The following UFL1 variants were observed in gnomAD, a reference collection of about 807,000 sequenced individuals.
UFL1 encodes UFM1 specific ligase 1.
A neutral mutation model predicts 99.3 loss-of-function variants in UFL1; 78 were observed. That is an observed-to-expected ratio of 0.79 (90% CI 0.65 to 0.95). The LOEUF (loss-of-function observed/expected upper bound fraction) is 0.95. UFL1 is among the 40% of genes least tolerant of loss of function. The pLI is 0.00. For missense variants in UFL1, 936 were observed against 937.0 expected, an observed-to-expected ratio of 1.00 and a Z score of 0.01; for synonymous variants, 335 against 322.2, an observed-to-expected ratio of 1.04 and a Z score of -0.42.
chr6:96,543,281 C>T (rs1489358150), intron 12 of UFL1, among the ~76,000 whole-genome samples: 3 of 151,134 alleles, frequency 2.0e-5, no homozygotes. Flanking sequence ...CAAATCAGTA[C>T]ATAAATAACA....
intron 15 of UFL1, 39 bp from the exon 16 acceptor site, chr6:96,551,394 A>G (rs200702063): frequency 1.7e-6 from 2 of 1,157,498 alleles, no homozygotes; most frequent in Non-Finnish European, 2.5e-6. Flanking sequence ...TTGCATGTCA[A>G]AAGCACAGTA....
chr6:96,541,351 C>A (rs924255698), intron 11 of UFL1, among the ~76,000 whole-genome samples: 13 of 151,484 alleles, frequency 8.6e-5, no homozygotes, highest in Middle Eastern at 3.4e-3. Flanking sequence ...TTTTTCTAAT[C>A]TAAAGTCACT....
intron 6 of UFL1, among the ~76,000 whole-genome samples, chr6:96,531,676 T>G (rs1056253417): frequency 6.6e-6 from 1 of 152,206 alleles, no homozygotes; most frequent in Non-Finnish European, 1.5e-5. Context: ...ATTTATTACT[T>G]TGTCAAAAAC....
In UFL1 at chr6:96,554,261, C is replaced by T. The variant is rs539602957; in HGVS notation, c.*758C>T. The T allele has an allele frequency of 1.2e-4, 18 of 152,226 alleles. No homozygotes were observed. Among genetic ancestry groups the T allele is most frequent in the African/African-American group, 4.3e-4 (18 of 41,538 alleles). 9.4% of individuals were successfully genotyped at this position (152,226 alleles called of 1,614,324 possible). On this transcript the variant is annotated 3_prime_UTR_variant, in exon 19 of 19. Coordinates refer to ENST00000369278, the MANE Select transcript of UFL1 (RefSeq NM_015323.5). ...CATTGGAATAACTAAGCATTTTATACAAAGATTTTTCTTTGACCCAGTTTG... is the reference window on the plus strand; with the variant it reads ...CATTGGAATAACTAAGCATTTTATATAAAGATTTTTCTTTGACCCAGTTTG...
chr6:96,550,087 A>T (rs974736048), intron 15 of UFL1, among the ~76,000 whole-genome samples: 1 of 151,948 alleles, frequency 6.6e-6, no homozygotes, highest in Non-Finnish European at 1.5e-5. Context: ...GGCAAATCCC[A>T]TAACATTCTG....
At chr6:96,552,009 T>TA (rs1265237032) in intron 17 of UFL1, 86 bp downstream of exon 17, 3 of 899,014 alleles carry the variant, frequency 3.3e-6, no homozygotes, top group East Asian at 2.4e-5. Flanking sequence ...GCCCGGCTCT[T>TA]ACACAGAGAA....
chr6:96,545,184 T>G (rs1487300299), intron 12 of UFL1, among the ~76,000 whole-genome samples: 1 of 151,108 alleles, frequency 6.6e-6, no homozygotes, highest in Non-Finnish European at 1.5e-5. Context: ...TTTTTATTTA[T>G]AGTGAAAATT....
rs1211287293 is a variant in UFL1 at position 96,549,686 on chromosome 6, C to T, written c.1705C>T (p.Leu569Phe). ...TTTTCCAGATGACACACAGGCTGCTCTTACCAAACACTTGCTGAAGTCAGT... is the reference window on the plus strand; with the variant it reads ...TTTTCCAGATGACACACAGGCTGCTTTTACCAAACACTTGCTGAAGTCAGT... ...KFFADDTQAALTKHLLKSVCT... is the reference protein window; with the variant it reads ...KFFADDTQAAFTKHLLKSVCT... The change falls in exon 15 of 19, where the codon CTT becomes TTT. Residue 569 changes from leucine to phenylalanine, a missense_variant. Physicochemically the swap from Leu to Phe is conservative, Grantham distance 22. Transcript: ENST00000369278. 7 of 1,611,284 alleles carry T rather than the reference C, an allele frequency of 4.3e-6. No individual in the cohort carries two copies. Among genetic ancestry groups the T allele is most frequent in the Admixed American group, 1.7e-5 (1 of 59,662 alleles).
At position 96,548,085 on chromosome 6, in the gene UFL1, A is replaced by G. The variant is rs939488621; in HGVS notation, c.1403-79A>G. The stretch of plus-strand genomic sequence containing the variant: ...AATGAATTATTGTCTTACTAAATAT[A>G]GTAATGGAGCCCTATTTGCCATTTG... On this transcript the variant is annotated intron_variant, in intron 12 of 18. Coordinates refer to ENST00000369278, the MANE Select transcript of UFL1 (RefSeq NM_015323.5). 13 of 849,114 alleles carry G rather than the reference A, an allele frequency of 1.5e-5. No individual in the cohort carries two copies. The Admixed American group carries it at 3.4e-4, about 22-fold the overall frequency. 52.6% of individuals were successfully genotyped at this position (849,114 alleles called of 1,614,324 possible). A position where few individuals can be genotyped will look rare whatever the true frequency, so the allele number is the denominator to read the frequency against.
rs147577102 is a variant in UFL1 at position 96,528,607 on chromosome 6, C to T, written c.571C>T (p.Arg191Cys). 6.8e-4 allele frequency: 1,099 copies of T among 1,613,498 alleles called. No homozygotes were observed. The highest frequency in any genetic ancestry group is 8.3e-4 in the Non-Finnish European group (977 of 1,179,738). Reference sequence around the variant, plus strand: ...TGTAGCTCGACATAAAGCACGTATCCGTGGACTATTCAGTGCTATTACCCG... The same window carrying T: ...TGTAGCTCGACATAAAGCACGTATCTGTGGACTATTCAGTGCTATTACCCG... ...AFVARHKARI[R>C]GLFSAITRPT... The change falls in exon 6 of 19, where the codon CGT (arginine) becomes TGT (cysteine). Residue 191 changes from arginine (R) to cysteine (C), a missense_variant. By Grantham distance (180) the Arg-to-Cys change is radical. Transcript: ENST00000369278.
intron 13 of UFL1, among the ~76,000 whole-genome samples, chr6:96,548,956 AG>A: frequency 6.6e-6 from 1 of 151,820 alleles, no homozygotes; most frequent in African/African-American, 2.4e-5. Context: ...AATGTATTAC[AG>A]AATTATAGTT....
Position 96,538,709 on chromosome 6 carries a change from G to T in UFL1, c.1057G>T (p.Ala353Ser), listed in dbSNP as rs1769888937. The change falls in exon 10 of 19, where the codon GCC (alanine) becomes TCC (serine). Residue 353 changes from alanine (A) to serine (S), a missense_variant. Transcript: ENST00000369278. ...QQVMRAFSKQ[A>S]STVVFSDTVV... ...GGTGATGAGGGCATTCAGCAAACAG[G>T]CCTCAACTGTAGTCTTTAGCGACAC... is the stretch of plus-strand genomic sequence containing the variant. 6.2e-7 allele frequency: 1 copy of T among 1,611,588 alleles called. No homozygotes were observed. The highest frequency in any genetic ancestry group is 8.5e-7 in the Non-Finnish European group (1 of 1,178,436).
Position 96,536,381 on chromosome 6 carries a change from G to T in UFL1, c.793G>T (p.Gly265Cys), listed in dbSNP as rs1322703484. ...GGTGGATTCCTTTTTCAGGCAGAAT[G>T]GCTATCTAGGTAACTTTCTTATTTC... ...TWVDSFFRQN[G>C]YLEFDALSRL... The change falls in exon 8 of 19, where the codon GGC (glycine) becomes TGC (cysteine). Residue 265 changes from glycine (G) to cysteine (C), a missense_variant. Coordinates refer to ENST00000369278, the MANE Select transcript of UFL1 (RefSeq NM_015323.5). The T allele has an allele frequency of 6.3e-7, 1 of 1,599,350 alleles. No individual in the cohort carries two copies. The highest frequency in any genetic ancestry group is 1.3e-5 in the African/African-American group (1 of 74,608).
chr6:96,540,203 G>T (rs1015111476), intron 10 of UFL1, among the ~76,000 whole-genome samples: 1 of 151,370 alleles, frequency 6.6e-6, no homozygotes. Flanking sequence ...AAAAAGCGAA[G>T]GAGCATGGGG....
At chr6:96,551,358 AT>A (rs1562257605) in intron 15 of UFL1, 74 bp from the exon 16 acceptor site, 4 of 789,994 alleles carry the variant, frequency 5.1e-6, no homozygotes, top group South Asian at 1.7e-5. Flanking sequence ...TTGTTACAGT[AT>A]TTTTTTCACT....
intron 2 of UFL1, 78 bp downstream of exon 2, chr6:96,523,369 G>GT: frequency 7.5e-7 from 1 of 1,334,600 alleles, no homozygotes; most frequent in Non-Finnish European, 1.0e-6. Flanking sequence ...CCGTAAACAT[G>GT]TAATTGCATA....
chr6:96,528,023 A>C (rs1456404326), intron 5 of UFL1, among the ~76,000 whole-genome samples: 2 of 152,198 alleles, frequency 1.3e-5, no homozygotes, highest in Non-Finnish European at 2.9e-5. Flanking sequence ...AATTTGCATT[A>C]GAGAGGAAAG....
In UFL1 at chr6:96,537,487, G is replaced by A. The variant is rs746472880; in HGVS notation, c.916G>A (p.Val306Met). The A allele has an allele frequency of 5.6e-6, 9 of 1,609,938 alleles. No homozygotes were observed. Among genetic ancestry groups the A allele is most frequent in the Non-Finnish European group, 7.6e-6 (9 of 1,177,886 alleles). Residue 306 changes from valine to methionine, a missense_variant, in exon 9 of 19, where the codon GTG (valine) becomes ATG (methionine). Transcript: ENST00000369278. ...LKAACVGQGL[V>M]DQVEASVEEA... ...AGCAGCTTGTGTTGGTCAAGGACTT[G>A]TGGATCAAGTGGAAGCATCAGTAGA...
At chr6:96,543,589 G>A (rs576874282) in intron 12 of UFL1, among the ~76,000 whole-genome samples, 2 of 151,220 alleles carry the variant, frequency 1.3e-5, no homozygotes, top group South Asian at 4.1e-4. Flanking sequence ...TGTTGACACT[G>A]CCATTGCTCA....
Sources: gnomAD v4.1 joint callset for allele counts (sites outside exome capture counted in the v4.1 genomes callset) on GRCh38, gnomAD v4.1.1 for gene constraint, MANE v1.5 for transcripts, NCBI Gene and HGNC (gene_info 2026-07-23, HGNC 2026-07-21) for gene names.